RPTOR: variants seen among roughly 807,000 people sequenced by gnomAD.
RPTOR encodes the protein regulatory associated protein of MTOR complex 1.
RPTOR carries 21 observed loss-of-function variants against 169.9 expected under a neutral mutation model. The observed-to-expected ratio is 0.12, with a 90% CI of 0.09 to 0.18. RPTOR has a LOEUF of 0.18. Among genes scored for constraint, RPTOR ranks in the 10% least tolerant of loss-of-function variants. The pLI, the probability that RPTOR is intolerant of heterozygous loss-of-function variation, is 1.00. For missense variants in RPTOR, 1,133 were observed against 1,855.9 expected (o/e 0.61, Z 7.16); for synonymous variants, 732 against 753.2 (o/e 0.97, Z 0.46).
intron 11 of RPTOR, among the ~76,000 whole-genome samples, chr17:80,854,180 T>G (rs1426804819): frequency 6.6e-6 from 1 of 152,156 alleles, no homozygotes; most frequent in African/African-American, 2.4e-5. Flanking sequence ...CCCCTTGAAA[T>G]CCAAGAAATC....
rs989339715 is a variant in RPTOR, at chr17:80,844,027, T to C, written c.1213-2446T>C. Among the ~76,000 whole-genome samples the C allele has an allele frequency of 1.3e-5, 2 of 152,150 alleles. No individual in the cohort carries two copies. Among genetic ancestry groups the C allele is most frequent in the African/African-American group, 4.8e-5 (2 of 41,434 alleles). ...CCTGTGAGCTCTCTGTCTCGCTGAA[T>C]GGACTTCGCTCCCCTGCACGCAGGG... On this transcript the variant is annotated intron_variant, in intron 10 of 33. Coordinates refer to ENST00000306801, the MANE Select transcript of RPTOR (RefSeq NM_020761.3). This position sits in a 1 kb window ranked among gnomAD's most constrained non-coding sequence, Gnocchi z 4.7.
At chr17:80,777,554 T>G (rs1332666319) in intron 6 of RPTOR, among the ~76,000 whole-genome samples, 1 of 151,938 alleles carries the variant, frequency 6.6e-6, no homozygotes, top group East Asian at 1.9e-4. Context: ...GTTGTTTTTT[T>G]TTTTGAGATG....
chr17:80,796,528 T>G (rs772334205), intron 7 of RPTOR, among the ~76,000 whole-genome samples: 7 of 152,142 alleles, frequency 4.6e-5, no homozygotes, highest in Non-Finnish European at 8.8e-5. Context: ...TCGGATCTTG[T>G]GAGAACTCAC....
At chr17:80,877,732 A>C (rs923603796) in intron 13 of RPTOR, among the ~76,000 whole-genome samples, 1 of 152,060 alleles carries the variant, frequency 6.6e-6, no homozygotes, top group African/African-American at 2.4e-5. Context: ...ATCTCAGTTT[A>C]TTTGTCAAAA....
chr17:80,633,288 G>A lies in RPTOR; in HGVS notation c.265+7495G>A, dbSNP rs1011212816. 1.3e-5 allele frequency among the ~76,000 whole-genome samples: 2 copies of A among 152,156 alleles called. No individual in the cohort carries two copies. Among genetic ancestry groups the A allele is most frequent in the Non-Finnish European group, 2.9e-5 (2 of 68,038 alleles). On this transcript the variant is annotated intron_variant, in intron 2 of 33. Transcript: ENST00000306801. This position sits in a 1 kb window ranked among gnomAD's most constrained non-coding sequence, Gnocchi z 4.1. ...CAGTCACCAAAATCAAGGAGCATTC[G>A]CGTGGACGTGTGACTGCCACGTAAG...
Position 80,743,660 on chromosome 17 carries a change from A to G in RPTOR, c.655-10350A>G, listed in dbSNP as rs371535323. ...ACTTTGCTACTTTGCCCTCGGCAGCAAGGGTTGAGGGCACAGCCCTGGCTA... is the reference window on the plus strand; with the variant it reads ...ACTTTGCTACTTTGCCCTCGGCAGCGAGGGTTGAGGGCACAGCCCTGGCTA... On this transcript the variant is annotated intron_variant, in intron 5 of 33. Coordinates refer to ENST00000306801, the MANE Select transcript of RPTOR (RefSeq NM_020761.3). Among the ~76,000 whole-genome samples, 13 of 145,796 alleles carry G rather than the reference A, an allele frequency of 8.9e-5. No individual in the cohort carries two copies. In the East Asian group the frequency reaches 2.1e-3, roughly 24 times the overall value.
intron 1 of RPTOR, among the ~76,000 whole-genome samples, chr17:80,574,827 A>ATTTTTTT (rs555426915): frequency 0.01 from 1,245 of 121,348 alleles, 32 homozygotes; most frequent in East Asian, 0.038. Flanking sequence ...AGCTTATTTA[A>ATTTTTTT]TTTTTTTTTT....
chr17:80,919,304 G>A lies in RPTOR; in HGVS notation c.2521-3420G>A, dbSNP rs575783007. Reference sequence around the variant, plus strand: ...TCTTCTCCCCCACCAAGCAGCCAGCGGCCTCTGCGCTATTCTTAGCCCAAA... The same window carrying A: ...TCTTCTCCCCCACCAAGCAGCCAGCAGCCTCTGCGCTATTCTTAGCCCAAA... On this transcript the variant is annotated intron_variant, in intron 21 of 33. Coordinates refer to ENST00000306801, the MANE Select transcript of RPTOR (RefSeq NM_020761.3). 5.3e-5 allele frequency among the ~76,000 whole-genome samples: 8 copies of A among 152,260 alleles called. No individual in the cohort carries two copies. The East Asian group carries it at 7.7e-4, about 15-fold the overall frequency.
intron 1 of RPTOR, among the ~76,000 whole-genome samples, chr17:80,592,049 A>C (rs1296953907): frequency 6.6e-6 from 1 of 152,076 alleles, no homozygotes; most frequent in Non-Finnish European, 1.5e-5. Context: ...TTCTTCTCTT[A>C]CATTTGTATT....
chr17:80,596,561 A>G (rs568595345), intron 1 of RPTOR, among the ~76,000 whole-genome samples: 2 of 152,052 alleles, frequency 1.3e-5, no homozygotes, highest in African/African-American at 2.4e-5. Flanking sequence ...AAGGATACCA[A>G]GGTTTCTATT....
At chr17:80,818,115 GA>G (rs1383924024) in intron 7 of RPTOR, among the ~76,000 whole-genome samples, 1 of 152,220 alleles carries the variant, frequency 6.6e-6, no homozygotes, top group Non-Finnish European at 1.5e-5. Flanking sequence ...TCTGTTGTTG[GA>G]GTGTCATCTG....
chr17:80,615,837 G>C (rs2065305404), intron 1 of RPTOR, among the ~76,000 whole-genome samples: 1 of 152,124 alleles, frequency 6.6e-6, no homozygotes, highest in Non-Finnish European at 1.5e-5. Context: ...CATTTAGCCA[G>C]GTTTATGCCG....
intron 6 of RPTOR, among the ~76,000 whole-genome samples, chr17:80,769,001 C>T (rs781088601): frequency 6.6e-6 from 1 of 152,216 alleles, no homozygotes; most frequent in Non-Finnish European, 1.5e-5. Context: ...TTTTCATCCT[C>T]ATTTTACTTG....
chr17:80,673,794 T>C (rs2065840381), intron 3 of RPTOR, among the ~76,000 whole-genome samples: 1 of 152,250 alleles, frequency 6.6e-6, no homozygotes, highest in African/African-American at 2.4e-5. Context: ...GAGTGCAGCA[T>C]TGGCAGCCAT....
Position 80,960,911 on chromosome 17 carries a change from A to C in RPTOR, c.3606-483A>C. 1 of 168,022 alleles carries C rather than the reference A, an allele frequency of 6.0e-6. No homozygotes were observed. Among genetic ancestry groups the C allele is most frequent in the Admixed American group, 5.6e-5 (1 of 17,882 alleles). The allele number at this position is 168,022 out of a possible 1,614,324, so 10.4% of individuals were successfully genotyped here. A position where few individuals can be genotyped will look rare whatever the true frequency, so the allele number is the denominator to read the frequency against. On this transcript the variant is annotated intron_variant, in intron 30 of 33. Transcript: ENST00000306801. The surrounding 1 kb of genome is among the most constrained non-coding windows in gnomAD (Gnocchi z 4.8). ...TGGCCCACACGGCTCATGCAGCAGA[A>C]GTAAATTTCACCCAGCACAGAGCGA...
At chr17:80,665,347 C>T (rs56774959) in intron 3 of RPTOR, among the ~76,000 whole-genome samples, 86 of 5,374 alleles carry the variant, frequency 0.016, 1 homozygote, top group African/African-American at 0.14. Context: ...CCTTTCCTTT[C>T]CTTTCCTTTC....
At chr17:80,940,644 T>TG (rs765968909) in intron 25 of RPTOR, 43 bp downstream of exon 25, 2 of 1,502,706 alleles carry the variant, frequency 1.3e-6, no homozygotes, top group South Asian at 1.2e-5. Context: ...ATTCCGGGGG[T>TG]GGGGCCTGGG....
chr17:80,559,009 A>G (rs2084445462), intron 1 of RPTOR, among the ~76,000 whole-genome samples: 1 of 152,064 alleles, frequency 6.6e-6, no homozygotes, highest in Non-Finnish European at 1.5e-5. Flanking sequence ...TTGTGCAGCC[A>G]CCACCAGCAT....
intron 17 of RPTOR, among the ~76,000 whole-genome samples, chr17:80,890,178 CT>C (rs2068302835): frequency 6.6e-6 from 1 of 152,202 alleles, no homozygotes; most frequent in South Asian, 2.1e-4. Context: ...GACGTGGCCC[CT>C]GTTGGCCTCC....
Sources: gnomAD v4.1 joint callset for allele counts (sites outside exome capture counted in the v4.1 genomes callset) on GRCh38, gnomAD v4.1.1 for gene constraint, Gnocchi (gnomAD v3.1) non-coding constraint, MANE v1.5 for transcripts, NCBI Gene and HGNC (gene_info 2026-07-23, HGNC 2026-07-21) for gene names.